RAB38: variants seen among roughly 807,000 people sequenced by gnomAD.
The protein encoded by RAB38 is RAB38, member RAS oncogene family, also known as ras-related protein Rab-38.
Under a neutral mutation model 18.4 loss-of-function variants are expected in RAB38, and 15 were observed. The observed-to-expected ratio is 0.82, with a 90% CI of 0.55 to 1.26. RAB38 has a LOEUF of 1.26. Among genes scored for constraint, RAB38 ranks in the 50% most tolerant of loss-of-function variants. RAB38 has a pLI of 0.00. For synonymous variants in RAB38, 101 were observed against 104.4 expected, an observed-to-expected ratio of 0.97 and a Z score of 0.20; for missense variants, 294 against 267.4, an observed-to-expected ratio of 1.10 and a Z score of -0.69.
the RAB38 span, among the ~76,000 whole-genome samples, chr11:88,034,471 A>T: frequency 6.6e-6 from 1 of 152,248 alleles, no homozygotes; most frequent in Non-Finnish European, 1.5e-5. Flanking sequence ...TCCCAACAGC[A>T]ATGTTTGATT....
the RAB38 span, among the ~76,000 whole-genome samples, chr11:88,014,854 T>C: frequency 6.6e-6 from 1 of 152,186 alleles, no homozygotes; most frequent in African/African-American, 2.4e-5. Context: ...GGAAATGTTA[T>C]TAGAAATAGT....
the RAB38 span, among the ~76,000 whole-genome samples, chr11:87,922,880 G>T: frequency 6.6e-6 from 1 of 151,158 alleles, no homozygotes; most frequent in South Asian, 2.1e-4. Context: ...AAGAAAAATG[G>T]ATGGGAGATG....
At chr11:87,836,276 T>G in the RAB38 span, among the ~76,000 whole-genome samples, 1 of 152,210 alleles carries the variant, frequency 6.6e-6, no homozygotes, top group Non-Finnish European at 1.5e-5. Context: ...TAAAAACAAC[T>G]GTGCAGTTAG....
chr11:87,878,811 G>A, the RAB38 span, among the ~76,000 whole-genome samples: 1 of 151,622 alleles, frequency 6.6e-6, no homozygotes, highest in Non-Finnish European at 1.5e-5. Context: ...AATTCATCCT[G>A]TGGAGAGAAA....
chr11:87,810,895 A>G, the RAB38 span, among the ~76,000 whole-genome samples: 6 of 152,276 alleles, frequency 3.9e-5, no homozygotes, highest in African/African-American at 1.4e-4. Context: ...AGAAGAAAGA[A>G]TTCAGCTGAG....
At chr11:88,033,628 G>A in the RAB38 span, among the ~76,000 whole-genome samples, 2 of 151,356 alleles carry the variant, frequency 1.3e-5, no homozygotes, top group African/African-American at 2.4e-5. Context: ...GTGTTTCTGT[G>A]TGTGTCTTTA....
At chr11:87,887,456 G>C in the RAB38 span, among the ~76,000 whole-genome samples, 4 of 151,840 alleles carry the variant, frequency 2.6e-5, no homozygotes, top group East Asian at 7.8e-4. Context: ...TATTTGAAAA[G>C]CAATACAATA....
At chr11:88,152,582 A>G (rs1943076425) in intron 1 of RAB38, among the ~76,000 whole-genome samples, 1 of 152,150 alleles carries the variant, frequency 6.6e-6, no homozygotes, top group South Asian at 2.1e-4. Flanking sequence ...CATTCCAGCA[A>G]GAGGTCACAC....
At chr11:87,883,437 G>A in the RAB38 span, among the ~76,000 whole-genome samples, 3 of 151,894 alleles carry the variant, frequency 2.0e-5, no homozygotes, top group African/African-American at 7.2e-5. Context: ...TCTGCAAAAT[G>A]CAGATAAGAA....
chr11:87,806,087 A>C, the RAB38 span, among the ~76,000 whole-genome samples: 2 of 152,246 alleles, frequency 1.3e-5, no homozygotes, highest in African/African-American at 4.8e-5. Flanking sequence ...ATTAGCCATC[A>C]GAGCAAGTAA....
the RAB38 span, among the ~76,000 whole-genome samples, chr11:88,097,069 T>C: frequency 6.6e-6 from 1 of 151,890 alleles, no homozygotes; most frequent in Admixed American, 6.6e-5. Context: ...TATATCCCCA[T>C]ATGTTTTTAT....
the RAB38 span, among the ~76,000 whole-genome samples, chr11:88,011,056 G>T: frequency 2.0e-5 from 3 of 152,266 alleles, no homozygotes; most frequent in African/African-American, 7.2e-5. Context: ...CATTTACAGA[G>T]ACATCTTGGT....
chr11:88,005,216 C>T, the RAB38 span, among the ~76,000 whole-genome samples: 1 of 151,322 alleles, frequency 6.6e-6, no homozygotes. Flanking sequence ...TCAGAGAATT[C>T]ACACTACCAG....
At chr11:88,035,982 A>G in the RAB38 span, among the ~76,000 whole-genome samples, 1 of 152,108 alleles carries the variant, frequency 6.6e-6, no homozygotes, top group Non-Finnish European at 1.5e-5. Context: ...CCATATGAGC[A>G]AAAAATAATA....
At chr11:88,045,615 A>G in the RAB38 span, among the ~76,000 whole-genome samples, 2 of 152,168 alleles carry the variant, frequency 1.3e-5, no homozygotes, top group African/African-American at 4.8e-5. Flanking sequence ...CTCTGGCCCA[A>G]GGCTCTCTGA....
chr11:88,033,725 C>CCTT, the RAB38 span, among the ~76,000 whole-genome samples: 1 of 101,120 alleles, frequency 9.9e-6, no homozygotes, highest in Non-Finnish European at 1.8e-5. Context: ...GTTGTGTTGC[C>CCTT]TTTTTTTTTT....
the RAB38 span, among the ~76,000 whole-genome samples, chr11:88,062,876 C>T: frequency 6.6e-6 from 1 of 152,204 alleles, no homozygotes; most frequent in Non-Finnish European, 1.5e-5. Flanking sequence ...TGTCAAACCC[C>T]AGCTGTTAAA....
At chr11:87,950,523 C>G in the RAB38 span, among the ~76,000 whole-genome samples, 1 of 152,162 alleles carries the variant, frequency 6.6e-6, no homozygotes, top group Non-Finnish European at 1.5e-5. Context: ...GTGGCTGGTA[C>G]CAGTCGTTCC....
chr11:87,872,808 A>G, the RAB38 span, among the ~76,000 whole-genome samples: 1 of 151,606 alleles, frequency 6.6e-6, no homozygotes, highest in Non-Finnish European at 1.5e-5. Flanking sequence ...TTAATGCTAG[A>G]TAATATTCTG....
Sources: allele counts gnomAD v4.1 joint callset (sites outside exome capture counted in the v4.1 genomes callset), GRCh38; gene constraint gnomAD v4.1.1; transcripts MANE v1.5; gene names NCBI Gene and HGNC (gene_info 2026-07-23, HGNC 2026-07-21).